ADAMTS16: variants seen among roughly 807,000 people sequenced by gnomAD.
The protein encoded by ADAMTS16 is ADAM metallopeptidase with thrombospondin type 1 motif 16.
Under a neutral mutation model 145.8 loss-of-function variants are expected in ADAMTS16, and 94 were observed. The ratio of observed to expected loss-of-function variants is 0.64; its 90% confidence interval spans 0.55 to 0.77. The LOEUF is 0.77. Among genes scored for constraint, ADAMTS16 ranks in the 30% least tolerant of loss-of-function variants. The pLI, the probability that ADAMTS16 is intolerant of heterozygous loss-of-function variation, is 0.00. For missense variants in ADAMTS16, 1,585 were observed against 1,591.5 expected (o/e 1.00, Z 0.07); for synonymous variants, 659 against 604.3 (o/e 1.09, Z -1.33).
chr5:5,243,936 C>T (rs1401206240), intron 17 of ADAMTS16, among the ~76,000 whole-genome samples: 1 of 152,136 alleles, frequency 6.6e-6, no homozygotes, highest in Non-Finnish European at 1.5e-5. Flanking sequence ...GGAAATCAAC[C>T]CAAAATCCAT....
At chr5:5,203,746 C>T (rs1736016929) in intron 9 of ADAMTS16, among the ~76,000 whole-genome samples, 1 of 152,114 alleles carries the variant, frequency 6.6e-6, no homozygotes, top group Non-Finnish European at 1.5e-5. Flanking sequence ...GACTCATCTT[C>T]AGTTACTTTT....
chr5:5,200,028 G>T lies in ADAMTS16; in HGVS notation c.1314-104G>T, dbSNP rs1461891875. ...ATTTTTGCCTGCCTAGCATATAGGG[G>T]TGAGGGAGTCTCACAGTCTTGACTT... On this transcript the variant is annotated intron_variant, in intron 8 of 22. Coordinates refer to ENST00000274181, the MANE Select transcript of ADAMTS16 (RefSeq NM_139056.4). 1.4e-5 allele frequency: 19 copies of T among 1,354,848 alleles called. No homozygotes were observed. In the Admixed American group the frequency reaches 4.1e-4, roughly 29 times the overall value. The allele number at this position is 1,354,848 out of a possible 1,614,324, so 83.9% of individuals were successfully genotyped here.
At chr5:5,234,975 T>G in intron 12 of ADAMTS16, 39 bp from the exon 13 acceptor site, 1 of 1,482,744 alleles carries the variant, frequency 6.7e-7, no homozygotes, top group South Asian at 1.4e-5. Flanking sequence ...TAGTAGCTAC[T>G]AAAATATAAA....
Position 5,187,787 on chromosome 5 carries a change from G to A in ADAMTS16, c.1026G>A (p.Leu342=), listed in dbSNP as rs189830925. 3 of 1,607,780 alleles carry A rather than the reference G, an allele frequency of 1.9e-6. No individual in the cohort carries two copies. The East Asian group carries it at 6.7e-5, about 36-fold the overall frequency. The change falls in exon 6 of 23, where the codon CTG becomes CTA. Residue 342 remains leucine (L), a synonymous_variant. Coordinates refer to ENST00000274181, the MANE Select transcript of ADAMTS16 (RefSeq NM_139056.4). The stretch of plus-strand genomic sequence containing the variant: ...ACATCAACATTGCAATTGTAGGTCT[G>A]ATTCTTCTAGAAGATGAACAGGTAG... The part of the protein sequence containing the change: ...GGNINIAIVG[L]ILLEDEQPGL...
chr5:5,190,102 C>T lies in ADAMTS16; in HGVS notation c.1179C>T (p.Ser393=), dbSNP rs369511718. ...AILLTGLDIC[S]WKNEPCDTLG... Reference sequence around the variant, plus strand: ...TACTGACTGGTCTGGATATATGTTCCTGGAAGAATGAGCCCTGTGACACTT... The same window carrying T: ...TACTGACTGGTCTGGATATATGTTCTTGGAAGAATGAGCCCTGTGACACTT... The change falls in exon 7 of 23, where the codon TCC becomes TCT. Residue 393 remains serine (S), a synonymous_variant. Transcript: ENST00000274181. The T allele has an allele frequency of 8.3e-5, 133 of 1,604,078 alleles. No individual in the cohort carries two copies. The African/African-American group carries it at 1.6e-3, about 19-fold the overall frequency.
chr5:5,217,303 T>A (rs1403179367), intron 10 of ADAMTS16, among the ~76,000 whole-genome samples: 1 of 151,948 alleles, frequency 6.6e-6, no homozygotes. Flanking sequence ...AAGGACTTCA[T>A]GTCTAAAACA....
At chr5:5,162,041 A>G (rs1004721353) in intron 3 of ADAMTS16, among the ~76,000 whole-genome samples, 1 of 152,144 alleles carries the variant, frequency 6.6e-6, no homozygotes, top group Non-Finnish European at 1.5e-5. Flanking sequence ...TAATTTCCAT[A>G]CTTGGTTGTT....
intron 18 of ADAMTS16, among the ~76,000 whole-genome samples, chr5:5,266,705 TG>T (rs1484233912): frequency 6.6e-6 from 1 of 152,218 alleles, no homozygotes; most frequent in Non-Finnish European, 1.5e-5. Flanking sequence ...CTCCTCCTCC[TG>T]GGGCTACTCT....
At chr5:5,270,886 G>A (rs140990583) in intron 18 of ADAMTS16, among the ~76,000 whole-genome samples, 193 of 152,228 alleles carry the variant, frequency 1.3e-3, no homozygotes, top group African/African-American at 4.1e-3. Context: ...CAGGTACTCC[G>A]AGCTCTGTCC....
rs556210082 is a variant in ADAMTS16, at chr5:5,198,308, G to T, written c.1314-1824G>T. Among the ~76,000 whole-genome samples the T allele has an allele frequency of 1.7e-3, 259 of 152,262 alleles. 1 individual carries two copies. The highest frequency in any genetic ancestry group is 5.9e-3 in the African/African-American group (247 of 41,542). ...CATGACACATTTCCTCTGCCATGTG[G>T]TTACCCTGGCCTTGATTAATTGCCT... On this transcript the variant is annotated intron_variant, in intron 8 of 22. Coordinates refer to ENST00000274181, the MANE Select transcript of ADAMTS16 (RefSeq NM_139056.4).
chr5:5,188,264 C>A (rs10078596), intron 6 of ADAMTS16, among the ~76,000 whole-genome samples: 27,031 of 152,112 alleles, frequency 0.18, 2,543 homozygotes, highest in East Asian at 0.26. Context: ...CAGCTCTTAA[C>A]CTTCACCATC....
chr5:5,166,443 G>T (rs943342398), intron 3 of ADAMTS16, among the ~76,000 whole-genome samples: 14 of 152,166 alleles, frequency 9.2e-5, no homozygotes, highest in Admixed American at 2.0e-4. Context: ...GAGCAACATG[G>T]CATGGCTGGA....
intron 18 of ADAMTS16, among the ~76,000 whole-genome samples, chr5:5,274,716 A>G (rs956023451): frequency 2.9e-5 from 4 of 135,890 alleles, no homozygotes; most frequent in African/African-American, 1.1e-4. Flanking sequence ...ATATATATGC[A>G]TACACACACA....
chr5:5,211,264 T>C (rs997343844), intron 10 of ADAMTS16, among the ~76,000 whole-genome samples: 1 of 152,164 alleles, frequency 6.6e-6, no homozygotes, highest in Non-Finnish European at 1.5e-5. Flanking sequence ...AAAGGGTTAT[T>C]CAGAAGACAC....
At chr5:5,302,534 C>G (rs1739828477) in intron 18 of ADAMTS16, among the ~76,000 whole-genome samples, 1 of 152,066 alleles carries the variant, frequency 6.6e-6, no homozygotes, top group South Asian at 2.1e-4. Flanking sequence ...ATCCTGTAAC[C>G]AGCAAAACAC....
chr5:5,282,802 A>C (rs931494095), intron 18 of ADAMTS16, among the ~76,000 whole-genome samples: 3 of 152,144 alleles, frequency 2.0e-5, no homozygotes, highest in African/African-American at 7.2e-5. Flanking sequence ...AAAACTTGGA[A>C]GCTACCTATC....
chr5:5,238,646 ACAT>A (rs1737186774), intron 14 of ADAMTS16, among the ~76,000 whole-genome samples: 1 of 152,224 alleles, frequency 6.6e-6, no homozygotes, highest in Admixed American at 6.5e-5. Flanking sequence ...ATACAAACAA[ACAT>A]CAGAGTAATT....
At chr5:5,191,547 T>C (rs1471464739) in intron 7 of ADAMTS16, 138 bp from the exon 8 acceptor site, 1 of 664,018 alleles carries the variant, frequency 1.5e-6, no homozygotes, top group African/African-American at 1.8e-5. Context: ...CTTTATACGG[T>C]TGTCTAAGTG....
chr5:5,207,622 T>C (rs549251225), intron 9 of ADAMTS16, among the ~76,000 whole-genome samples: 2 of 152,290 alleles, frequency 1.3e-5, no homozygotes, highest in African/African-American at 4.8e-5. Flanking sequence ...CTGATTTTAG[T>C]GGAGAAGCTT....
Sources: gnomAD v4.1 joint callset for allele counts (sites outside exome capture counted in the v4.1 genomes callset) on GRCh38, gnomAD v4.1.1 for gene constraint, MANE v1.5 for transcripts, NCBI Gene and HGNC (gene_info 2026-07-23, HGNC 2026-07-21) for gene names.